The following TAF4B variants were observed in gnomAD, a reference collection of about 807,000 sequenced individuals.
TAF4B encodes transcription initiation factor TFIID subunit 4B.
A neutral mutation model predicts 86.4 loss-of-function variants in TAF4B; 38 were observed. That is an observed-to-expected ratio of 0.44 (90% CI 0.34 to 0.58). The LOEUF (loss-of-function observed/expected upper bound fraction) is 0.58, where lower values mean the gene tolerates loss of function less well. TAF4B is among the 20% of genes least tolerant of loss of function. The pLI, the probability that TAF4B is intolerant of heterozygous loss-of-function variation, is 0.02. For synonymous variants in TAF4B, 388 were observed against 391.2 expected (o/e 0.99, Z 0.10); for missense variants, 988 against 1,027.6 (o/e 0.96, Z 0.53).
chr18:26,335,959 C>G (rs1347735106), intron 13 of TAF4B, among the ~76,000 whole-genome samples: 1 of 152,162 alleles, frequency 6.6e-6, no homozygotes, highest in African/African-American at 2.4e-5. Flanking sequence ...TTGGATCTCA[C>G]TGGAGTTGCC....
At chr18:26,347,909 G>A (rs1023059165) in intron 13 of TAF4B, among the ~76,000 whole-genome samples, 4 of 152,168 alleles carry the variant, frequency 2.6e-5, no homozygotes, top group Middle Eastern at 6.3e-3. Context: ...GGACCACTCA[G>A]ATATATAAAG....
At chr18:26,264,296 C>T (rs2056209183) in intron 1 of TAF4B, among the ~76,000 whole-genome samples, 1 of 152,144 alleles carries the variant, frequency 6.6e-6, no homozygotes, top group Non-Finnish European at 1.5e-5. Flanking sequence ...AAAAAATTAG[C>T]TGGGCATGGT....
chr18:26,374,933 C>T (rs893863658), intron 14 of TAF4B, among the ~76,000 whole-genome samples: 44 of 152,122 alleles, frequency 2.9e-4, no homozygotes, highest in Admixed American at 2.9e-3. Context: ...AGATATAATT[C>T]ATGTACAATA....
intron 14 of TAF4B, among the ~76,000 whole-genome samples, chr18:26,377,075 T>C (rs1429075734): frequency 1.3e-5 from 2 of 152,110 alleles, no homozygotes; most frequent in Non-Finnish European, 2.9e-5. Flanking sequence ...TAGTTTCTGC[T>C]TGCTAGTATT....
intron 1 of TAF4B, among the ~76,000 whole-genome samples, chr18:26,243,638 C>T (rs573061735): frequency 2.1e-4 from 32 of 152,298 alleles, no homozygotes; most frequent in African/African-American, 7.5e-4. Flanking sequence ...TGAGGAGCTG[C>T]GTTCCTTTGG....
At chr18:26,382,455 A>G (rs938585130) in intron 14 of TAF4B, among the ~76,000 whole-genome samples, 6 of 151,902 alleles carry the variant, frequency 3.9e-5, no homozygotes, top group African/African-American at 1.5e-4. Flanking sequence ...TAATGTTTGG[A>G]GAAAATGGCA....
At chr18:26,353,132 C>T (rs1325525848) in intron 13 of TAF4B, among the ~76,000 whole-genome samples, 1 of 152,136 alleles carries the variant, frequency 6.6e-6, no homozygotes, top group African/African-American at 2.4e-5. Context: ...AAGAAAACTA[C>T]AGGCTAATAT....
rs746865524 is a variant in TAF4B at position 26,292,359 on chromosome 18, A to G, written c.1704A>G (p.Ile568Met). Residue 568 changes from isoleucine to methionine, a missense_variant, in exon 8 of 15, where the codon ATA (isoleucine) becomes ATG (methionine). Transcript: ENST00000269142. ...GQKTMPVNTIIPTSQFPPASI... is the reference protein window; with the variant it reads ...GQKTMPVNTIMPTSQFPPASI... ...AGACGATGCCAGTGAACACCATAAT[A>G]CCTACTAGTCAGTTTCCTCCAGGTA... The G allele has an allele frequency of 8.1e-6, 13 of 1,613,934 alleles. No individual in the cohort carries two copies. Among genetic ancestry groups the G allele is most frequent in the Non-Finnish European group, 1.1e-5 (13 of 1,179,930 alleles).
chr18:26,272,517 T>C (rs1436016454), intron 3 of TAF4B, among the ~76,000 whole-genome samples: 1 of 151,688 alleles, frequency 6.6e-6, no homozygotes, highest in African/African-American at 2.4e-5. Context: ...ACAAGGAAAA[T>C]AGAATTCCAT....
intron 6 of TAF4B, among the ~76,000 whole-genome samples, chr18:26,284,957 CTTTATT>C (rs896645533): frequency 2.4e-4 from 36 of 151,952 alleles, no homozygotes; most frequent in African/African-American, 8.7e-4. Context: ...AAAGATATTT[CTTTATT>C]TTTATTTAAA....
intron 1 of TAF4B, among the ~76,000 whole-genome samples, chr18:26,233,498 G>C (rs1440433775): frequency 6.6e-6 from 1 of 152,150 alleles, no homozygotes; most frequent in Admixed American, 6.5e-5. Flanking sequence ...AGCTGTTTGG[G>C]TGACTCAGAA....
Position 26,226,882 on chromosome 18 carries a change from C to CA in TAF4B, c.-51dup. ...GGCTGCCGCGCGCCAAGCCTCCCCT[C>CA]ACCTCTGCTCCCGGAACCGCAGCGC... On this transcript the variant is annotated 5_prime_UTR_variant, in exon 1 of 15. The change abolishes the stop of an existing upstream ORF in the 5' untranslated region. Transcript: ENST00000269142. The CA allele has an allele frequency of 7.6e-7, 1 of 1,316,588 alleles. No homozygotes were observed. The allele number at this position is 1,316,588 out of a possible 1,614,324, so 81.6% of individuals were successfully genotyped here. A position where few individuals can be genotyped will look rare whatever the true frequency, so the allele number is the denominator to read the frequency against.
intron 1 of TAF4B, among the ~76,000 whole-genome samples, chr18:26,236,558 A>G (rs2055750940): frequency 6.6e-6 from 1 of 152,154 alleles, no homozygotes; most frequent in Non-Finnish European, 1.5e-5. Flanking sequence ...TTGCCCTGGC[A>G]TAGTGGACAT....
chr18:26,359,182 C>A lies in TAF4B; in HGVS notation c.2421+1388C>A, dbSNP rs542383817. Among the ~76,000 whole-genome samples the A allele has an allele frequency of 9.8e-5, 15 of 152,308 alleles. No homozygotes were observed. The South Asian group carries it at 3.1e-3, about 32-fold the overall frequency. On this transcript the variant is annotated intron_variant, in intron 14 of 14. Transcript: ENST00000269142. ...TTTTCCTCATTTCCACAGTCTACCTCATATAATTTACTTCCATACTTTTTA... is the reference window on the plus strand; with the variant it reads ...TTTTCCTCATTTCCACAGTCTACCTAATATAATTTACTTCCATACTTTTTA...
chr18:26,276,222 C>T (rs553721469), intron 5 of TAF4B, among the ~76,000 whole-genome samples: 12 of 152,008 alleles, frequency 7.9e-5, no homozygotes, highest in South Asian at 2.1e-4. Context: ...ACATGATGAT[C>T]GTTGATGTTT....
rs1258714955 is a variant in TAF4B at position 26,390,687 on chromosome 18, T to TG, written c.*676dup. ...AATTGAATCTACTGATATATCTTGTTGAAAAAATGGAAAAGGTGCAAAGTA... is the reference window on the plus strand; with the variant it reads ...AATTGAATCTACTGATATATCTTGTTGGAAAAAATGGAAAAGGTGCAAAGTA... On this transcript the variant is annotated 3_prime_UTR_variant, in exon 15 of 15. Coordinates refer to ENST00000269142, the MANE Select transcript of TAF4B (RefSeq NM_005640.3). 2.6e-5 allele frequency: 4 copies of TG among 152,178 alleles called. No individual in the cohort carries two copies. The highest frequency in any genetic ancestry group is 5.9e-5 in the Non-Finnish European group (4 of 68,046). The allele number at this position is 152,178 out of a possible 1,614,324, so 9.4% of individuals were successfully genotyped here.
Position 26,305,722 on chromosome 18 carries a change from CTTTA to C in TAF4B, c.1833-9497_1833-9494del, listed in dbSNP as rs372440168. ...TTGGTGTTTTCGATTGTTATAACAT[CTTTA>C]TTTATTTATCTAGCCCATAGTTAAA... On this transcript the variant is annotated intron_variant, in intron 9 of 14. Transcript: ENST00000269142. Among the ~76,000 whole-genome samples, 881 of 152,232 alleles carry C rather than the reference CTTTA, an allele frequency of 5.8e-3. 9 individuals carry two copies. Among genetic ancestry groups the C allele is most frequent in the African/African-American group, 0.019 (805 of 41,532 alleles).
intron 1 of TAF4B, among the ~76,000 whole-genome samples, chr18:26,230,128 G>A (rs1057093520): frequency 6.6e-6 from 1 of 152,068 alleles, no homozygotes; most frequent in Admixed American, 6.6e-5. Context: ...GAACATGTGG[G>A]GTTTTAGGCT....
At chr18:26,363,663 CT>C (rs750685367) in intron 14 of TAF4B, among the ~76,000 whole-genome samples, 8 of 152,176 alleles carry the variant, frequency 5.3e-5, no homozygotes, top group Non-Finnish European at 1.0e-4. Flanking sequence ...TATTCACTTG[CT>C]TTATTTCTTC....
Sources: allele counts gnomAD v4.1 joint callset (sites outside exome capture counted in the v4.1 genomes callset), GRCh38; gene constraint gnomAD v4.1.1; transcripts MANE v1.5; gene names NCBI Gene and HGNC (gene_info 2026-07-23, HGNC 2026-07-21).